SNAP47: variants seen among roughly 807,000 people sequenced by gnomAD.
SNAP47 encodes synaptosomal-associated protein 47.
SNAP47 carries 20 observed loss-of-function variants against 31.4 expected under a neutral mutation model. The observed-to-expected ratio is 0.64, with a 90% CI of 0.45 to 0.93. SNAP47 has a LOEUF of 0.93. Ranked by LOEUF, SNAP47 falls within the 40% of genes least tolerant of loss-of-function variation. The pLI, the probability that SNAP47 is intolerant of heterozygous loss-of-function variation, is 0.00. For missense variants in SNAP47, 492 were observed against 528.5 expected (o/e 0.93, Z 0.68); for synonymous variants, 194 against 213.4 (o/e 0.91, Z 0.79).
chr1:227,748,061 G>A lies in SNAP47; in HGVS notation c.325G>A (p.Val109Met), dbSNP rs2236358. The A allele has an allele frequency of 0.066, 107,322 of 1,614,044 alleles. 6,454 individuals are homozygous for A. Among genetic ancestry groups the A allele is most frequent in the East Asian group, 0.32 (14,542 of 44,854 alleles). Residue 109 changes from valine to methionine, a missense_variant, in exon 2 of 5, where the codon GTG (valine) becomes ATG (methionine). By Grantham distance (21) the Val-to-Met change is conservative. Transcript: ENST00000617596. ...RELLLSQPGAVADASVPRTRG... is the reference protein window; with the variant it reads ...RELLLSQPGAMADASVPRTRG... ...GCTGCTGCTGTCTCAGCCTGGAGCC[G>A]TGGCAGACGCATCTGTCCCAAGGAC...
chr1:227,751,964 A>G (rs1362764310), intron 2 of SNAP47, among the ~76,000 whole-genome samples: 7 of 151,668 alleles, frequency 4.6e-5, no homozygotes, highest in Admixed American at 4.6e-4. Flanking sequence ...ATGGGGTTTC[A>G]CCGTGTTAAC....
chr1:227,749,614 G>T (rs576226382), intron 2 of SNAP47, among the ~76,000 whole-genome samples: 1 of 152,160 alleles, frequency 6.6e-6, no homozygotes, highest in Non-Finnish European at 1.5e-5. Context: ...CAGTCTGCCC[G>T]CTTTTCAGTG....
At chr1:227,729,731 AGCAACAACTTGACCTGG>A (rs1660519749) in intron 1 of SNAP47, among the ~76,000 whole-genome samples, 1 of 152,194 alleles carries the variant, frequency 6.6e-6, no homozygotes, top group Admixed American at 6.5e-5. Flanking sequence ...TGCCACAGCC[AGCAACAACTTGACCTGG>A]GGCTCCTGTC....
rs756358392 is a variant in SNAP47 at position 227,759,479 on chromosome 1, C to T, written c.982C>T (p.His328Tyr). ...CGCAGAGAAGAGCTGCTCAGTCTGG[C>T]ATGCAGGTTAGTGACCGACAAGGCA... The part of the protein sequence containing the change: ...SPAEKSCSVW[H>Y]AASGLMGRTL... The change falls in exon 3 of 5, where the codon CAT becomes TAT. Residue 328 changes from histidine to tyrosine, a missense_variant. By Grantham distance (83) the His-to-Tyr change is moderately conservative. Coordinates refer to ENST00000617596, the MANE Select transcript of SNAP47 (RefSeq NM_053052.4). 3 of 1,613,432 alleles carry T rather than the reference C, an allele frequency of 1.9e-6. No homozygotes were observed. Among genetic ancestry groups the T allele is most frequent in the Non-Finnish European group, 2.5e-6 (3 of 1,179,538 alleles).
At chr1:227,767,171 C>G (rs1663467410) in intron 4 of SNAP47, 88 bp downstream of exon 4, 9 of 1,549,526 alleles carry the variant, frequency 5.8e-6, no homozygotes, top group Non-Finnish European at 7.9e-6. Context: ...CACAAACAAG[C>G]TCTGGGTCAT....
At chr1:227,751,812 G>A (rs1662388625) in intron 2 of SNAP47, among the ~76,000 whole-genome samples, 1 of 126,214 alleles carries the variant, frequency 7.9e-6, no homozygotes, top group Non-Finnish European at 1.6e-5. Context: ...CTCCCAGGCT[G>A]GAGTGCAGTG....
intron 2 of SNAP47, among the ~76,000 whole-genome samples, chr1:227,750,598 C>A (rs894031534): frequency 3.9e-5 from 6 of 152,192 alleles, no homozygotes; most frequent in Non-Finnish European, 5.9e-5. Flanking sequence ...GTGCCTCCGT[C>A]CTGGCTTCTC....
intron 2 of SNAP47, among the ~76,000 whole-genome samples, chr1:227,754,089 T>C (rs1662543444): frequency 6.6e-6 from 1 of 152,236 alleles, no homozygotes; most frequent in South Asian, 2.1e-4. Flanking sequence ...CAAGGTTTTA[T>C]TGAGTGGAAG....
upstream of SNAP47, among the ~76,000 whole-genome samples, chr1:227,728,358 G>A (rs943709236): frequency 6.6e-6 from 1 of 152,044 alleles, no homozygotes; most frequent in Non-Finnish European, 1.5e-5. Context: ...CGGGGGGGGC[G>A]GGCCCCGCTG....
At chr1:227,742,022 T>TTTTTA (rs1223068117) in intron 1 of SNAP47, among the ~76,000 whole-genome samples, 96 of 151,952 alleles carry the variant, frequency 6.3e-4, no homozygotes, top group African/African-American at 2.2e-3. Context: ...TTTTTTTCTT[T>TTTTTA]TTTTATTTTA....
At chr1:227,751,762 TTTTTTTTTTTTTTTTTTTTG>T in intron 2 of SNAP47, among the ~76,000 whole-genome samples, 1 of 116,716 alleles carries the variant, frequency 8.6e-6, no homozygotes, top group Non-Finnish European at 1.7e-5. Context: ...TTTTTTTTTT[TTTTTTTTTTTTTTTTTTTTG>T]AGACGGAGTC....
At chr1:227,770,056 G>A (rs546702870) in intron 4 of SNAP47, among the ~76,000 whole-genome samples, 2 of 152,324 alleles carry the variant, frequency 1.3e-5, no homozygotes, top group East Asian at 1.9e-4. Context: ...CACTCCTGCC[G>A]TGGTTCCTGA....
Position 227,763,912 on chromosome 1 carries a change from C to T in SNAP47, c.989-3047C>T, listed in dbSNP as rs981226810. On this transcript the variant is annotated intron_variant, in intron 3 of 4. Transcript: ENST00000617596. This position sits in a 1 kb window ranked among gnomAD's most constrained non-coding sequence, Gnocchi z 4.2. ...GCAGGCAGCCCCTCCTCAGCACTGG[C>T]AGTGAAGACAGAGCTGTGTCTTGCA... Among the ~76,000 whole-genome samples the T allele has an allele frequency of 6.6e-6, 1 of 152,174 alleles. No homozygotes were observed. The highest frequency in any genetic ancestry group is 1.5e-5 in the Non-Finnish European group (1 of 68,020).
In SNAP47 at chr1:227,766,977, G is replaced by C; in HGVS notation, c.1007G>C (p.Arg336Pro). Residue 336 changes from arginine to proline, a missense_variant, in exon 4 of 5, where the codon CGT becomes CCT. By Grantham distance (103) the Arg-to-Pro change is moderately radical (BLOSUM62 -2). Coordinates refer to ENST00000617596, the MANE Select transcript of SNAP47 (RefSeq NM_053052.4). ...CTTGCAGCATCTGGGCTGATGGGCCGTACCCTGCACCGTGAGCCACCCGCA... is the reference window on the plus strand; with the variant it reads ...CTTGCAGCATCTGGGCTGATGGGCCCTACCCTGCACCGTGAGCCACCCGCA... ...VWHAASGLMG[R>P]TLHREPPAGD... 1 of 1,613,844 alleles carries C rather than the reference G, an allele frequency of 6.2e-7. No homozygotes were observed. The highest frequency in any genetic ancestry group is 1.3e-5 in the African/African-American group (1 of 75,044).
At chr1:227,734,946 G>C, upstream of SNAP47, 1 of 1,494,286 alleles carries the variant, frequency 6.7e-7, no homozygotes, top group Non-Finnish European at 8.9e-7. Context: ...CTCTAGGCGG[G>C]GGCCTCCCGG....
At chr1:227,733,033 AG>A, upstream of SNAP47, 1 of 1,613,364 alleles carries the variant, frequency 6.2e-7, no homozygotes, top group Non-Finnish European at 8.5e-7. Context: ...TCATCCTGGA[AG>A]GGGCACAGTG....
At chr1:227,773,927 G>A (rs1663995464) in intron 4 of SNAP47, among the ~76,000 whole-genome samples, 1 of 152,210 alleles carries the variant, frequency 6.6e-6, no homozygotes, top group South Asian at 2.1e-4. Context: ...TCATGATTTT[G>A]TTTTCATTCA....
chr1:227,735,591 C>G, intron 1 of SNAP47, 92 bp downstream of exon 1: 1 of 1,330,870 alleles, frequency 7.5e-7, no homozygotes, highest in Non-Finnish European at 9.6e-7. Flanking sequence ...GCTGACACAG[C>G]CCGAGCCCTC....
At chr1:227,742,196 A>G (rs1214464525) in intron 1 of SNAP47, among the ~76,000 whole-genome samples, 3 of 151,882 alleles carry the variant, frequency 2.0e-5, no homozygotes, top group African/African-American at 4.8e-5. Context: ...CTAGCCCACA[A>G]CAGTCCCCAG....
Sources: gnomAD v4.1 joint callset for allele counts (sites outside exome capture counted in the v4.1 genomes callset) on GRCh38, gnomAD v4.1.1 for gene constraint, Gnocchi (gnomAD v3.1) non-coding constraint, MANE v1.5 for transcripts, NCBI Gene and HGNC (gene_info 2026-07-23, HGNC 2026-07-21) for gene names.